LRRC8C: variants seen among roughly 807,000 people sequenced by gnomAD.
The protein encoded by LRRC8C is leucine rich repeat containing 8 VRAC subunit C.
Under a neutral mutation model 55.3 loss-of-function variants are expected in LRRC8C, and 20 were observed. The observed-to-expected ratio is 0.36, with a 90% CI of 0.25 to 0.53. The LOEUF is 0.53. LRRC8C is among the 20% of genes least tolerant of loss of function. LRRC8C has a pLI of 0.92. For synonymous variants in LRRC8C, 376 were observed against 360.7 expected, an observed-to-expected ratio of 1.04 and a Z score of -0.48; for missense variants, 659 against 951.4, an observed-to-expected ratio of 0.69 and a Z score of 4.04.
intron 1 of LRRC8C, among the ~76,000 whole-genome samples, chr1:89,638,312 T>G (rs1427711217): frequency 6.6e-6 from 1 of 152,240 alleles, no homozygotes; most frequent in East Asian, 1.9e-4. Context: ...TCAACCTTTT[T>G]TTGATTATTA....
At chr1:89,652,334 G>A (rs1454026334) in intron 1 of LRRC8C, among the ~76,000 whole-genome samples, 1 of 152,218 alleles carries the variant, frequency 6.6e-6, no homozygotes, top group Non-Finnish European at 1.5e-5. Flanking sequence ...CCAGGGGTAT[G>A]AAAAGGTCTC....
intron 2 of LRRC8C, among the ~76,000 whole-genome samples, chr1:89,706,008 A>G (rs547112585): frequency 8.5e-5 from 13 of 152,182 alleles, no homozygotes; most frequent in Middle Eastern, 3.4e-3. Flanking sequence ...TAAAAATACT[A>G]CTAGGGTTGT....
intron 1 of LRRC8C, among the ~76,000 whole-genome samples, chr1:89,684,496 G>C (rs547616673): frequency 2.0e-5 from 3 of 152,180 alleles, no homozygotes; most frequent in Middle Eastern, 3.2e-3. Context: ...AGGCAGTATG[G>C]CAAGTAATGG....
rs765524454 is a variant in LRRC8C, at chr1:89,714,339, A to G, written c.1769A>G (p.Asn590Ser). The change falls in exon 3 of 3, where the codon AAT becomes AGT. Residue 590 changes from asparagine (N) to serine (S), a missense_variant. This residue lies in a region of LRRC8C where 344 missense variants were observed against 464.6 expected (regional missense o/e 0.74). Coordinates refer to ENST00000370454, the MANE Select transcript of LRRC8C (RefSeq NM_032270.5). The surrounding 1 kb of genome is among the most constrained non-coding windows in gnomAD (Gnocchi z 4.6). ...VMLNNLKKMT[N>S]LTELELVHCD... ...CTCAACAACTTAAAGAAGATGACCA[A>G]TCTGACAGAGCTGGAGCTGGTCCAC... The G allele has an allele frequency of 2.5e-6, 4 of 1,614,122 alleles. No homozygotes were observed. The Admixed American group carries it at 5.0e-5, about 20-fold the overall frequency.
Position 89,659,062 on chromosome 1 carries a change from TGTGTGTGTGTGTGTGTG to T in LRRC8C, c.-5+25741_-5+25757del, listed in dbSNP as rs1657039656. On this transcript the variant is annotated intron_variant, in intron 1 of 2. Transcript: ENST00000370454. The stretch of plus-strand genomic sequence containing the variant: ...GTCTTCTCCAGGTTTTTTTTTTTTT[TGTGTGTGTGTGTGTGTG>T]TGTGTGTGTGTGTGTGTGTGTGTGT... Among the ~76,000 whole-genome samples, 13 of 66,924 alleles carry T rather than the reference TGTGTGTGTGTGTGTGTG, an allele frequency of 1.9e-4. No individual in the cohort carries two copies. In the East Asian group the frequency reaches 3.6e-3, roughly 19 times the overall value. 43.9% of individuals were successfully genotyped at this position (66,924 alleles called of 152,430 possible). A position where few individuals can be genotyped will look rare whatever the true frequency, so the allele number is the denominator to read the frequency against.
chr1:89,669,520 G>C (rs1657361177), intron 1 of LRRC8C, among the ~76,000 whole-genome samples: 1 of 152,082 alleles, frequency 6.6e-6, no homozygotes, highest in African/African-American at 2.4e-5. Context: ...GCTAATATTA[G>C]TAGCTGTCAT....
At chr1:89,636,497 A>G (rs1002734938) in intron 1 of LRRC8C, among the ~76,000 whole-genome samples, 1 of 152,106 alleles carries the variant, frequency 6.6e-6, no homozygotes, top group African/African-American at 2.4e-5. Flanking sequence ...TTTACTAACA[A>G]TATGTTGATG....
chr1:89,693,656 T>TC (rs1488682388), intron 2 of LRRC8C, among the ~76,000 whole-genome samples: 2 of 124,790 alleles, frequency 1.6e-5, no homozygotes, highest in East Asian at 4.4e-4. Flanking sequence ...CTTTTTTTTT[T>TC]TTTTTTTTTT....
rs768988693 is a variant in LRRC8C at position 89,686,539 on chromosome 1, A to G, written c.66A>G (p.Pro22=). ...AGCCTGCCTTCCGAGTGCTGAAGCC[A>G]TGGTGGGATGTGTTTACCGATTACC... is the stretch of plus-strand genomic sequence containing the variant. ...EQQPAFRVLK[P]WWDVFTDYLS... Residue 22 remains proline, a synonymous_variant, in exon 2 of 3, where the codon CCA becomes CCG. Transcript: ENST00000370454. 3.1e-6 allele frequency: 5 copies of G among 1,614,164 alleles called. No homozygotes were observed. The highest frequency in any genetic ancestry group is 1.7e-5 in the Admixed American group (1 of 60,026).
At chr1:89,698,343 T>C (rs1262210682) in intron 2 of LRRC8C, among the ~76,000 whole-genome samples, 8 of 152,192 alleles carry the variant, frequency 5.3e-5, no homozygotes, top group Non-Finnish European at 1.5e-5. Flanking sequence ...ACAGTGTTTG[T>C]TTTATTTATT....
At chr1:89,622,585 G>A in the LRRC8C span, among the ~76,000 whole-genome samples, 4 of 151,966 alleles carry the variant, frequency 2.6e-5, no homozygotes, top group East Asian at 3.9e-4. Context: ...CGCCCGCCTC[G>A]GCCTCCCAAA....
chr1:89,663,677 G>C (rs764801231), intron 1 of LRRC8C, among the ~76,000 whole-genome samples: 1 of 151,994 alleles, frequency 6.6e-6, no homozygotes, highest in Non-Finnish European at 1.5e-5. Flanking sequence ...GGTGTTTCCA[G>C]TTCCAGATCC....
chr1:89,680,710 A>C (rs906916054), intron 1 of LRRC8C, among the ~76,000 whole-genome samples: 2 of 151,834 alleles, frequency 1.3e-5, no homozygotes, highest in Admixed American at 1.3e-4. Context: ...ATAGGTACAC[A>C]CCACCACATC....
rs1364414026 is a variant in LRRC8C at position 89,709,742 on chromosome 1, TTTTTTTTTGTTTG to T, written c.139-2958_139-2946del. On this transcript the variant is annotated intron_variant, in intron 2 of 2. Coordinates refer to ENST00000370454, the MANE Select transcript of LRRC8C (RefSeq NM_032270.5). ...GTTTTGTTTTGTTTTTTGTGTGTGG[TTTTTTTTTGTTTG>T]TTTTTTTTTTGTTTGAGACGGAGTC... is the stretch of plus-strand genomic sequence containing the variant. Among the ~76,000 whole-genome samples, 271 of 81,266 alleles carry T rather than the reference TTTTTTTTTGTTTG, an allele frequency of 3.3e-3. 3 individuals are homozygous for T. The highest frequency in any genetic ancestry group is 0.012 in the African/African-American group (252 of 21,216). 53.3% of individuals were successfully genotyped at this position (81,266 alleles called of 152,430 possible).
rs201804298 is a variant in LRRC8C at position 89,712,746 on chromosome 1, T to G, written c.176T>G (p.Val59Gly). The part of the protein sequence containing the change: ...QDKIICLPKR[V>G]QPAQNHSSLS... ...AAGATAATCTGCCTTCCGAAAAGAG[T>G]GCAGCCTGCTCAGAACCACTCTTCC... The change falls in exon 3 of 3, where the codon GTG (valine) becomes GGG (glycine). Residue 59 changes from valine to glycine, a missense_variant. Around this residue, in one of 5 missense-constraint regions of LRRC8C, gnomAD observed 82 missense variants for 71.4 expected, o/e 1.15. Coordinates refer to ENST00000370454, the MANE Select transcript of LRRC8C (RefSeq NM_032270.5). 6.2e-7 allele frequency: 1 copy of G among 1,613,982 alleles called. No individual in the cohort carries two copies. The highest frequency in any genetic ancestry group is 1.7e-5 in the Admixed American group (1 of 59,978).
At chr1:89,654,715 A>G (rs1656892150) in intron 1 of LRRC8C, among the ~76,000 whole-genome samples, 1 of 152,148 alleles carries the variant, frequency 6.6e-6, no homozygotes, top group Non-Finnish European at 1.5e-5. Flanking sequence ...ATTGTTGGTG[A>G]AAAGTGTAAT....
chr1:89,645,665 A>T (rs1176799088), intron 1 of LRRC8C, among the ~76,000 whole-genome samples: 1 of 152,146 alleles, frequency 6.6e-6, no homozygotes, highest in African/African-American at 2.4e-5. Context: ...AACAATATAG[A>T]TGATGAGTGA....
At chr1:89,701,019 T>C (rs1009705225) in intron 2 of LRRC8C, among the ~76,000 whole-genome samples, 1 of 152,204 alleles carries the variant, frequency 6.6e-6, no homozygotes, top group Non-Finnish European at 1.5e-5. Flanking sequence ...TGGTAGCTCA[T>C]GCCTGTAATC....
intron 2 of LRRC8C, among the ~76,000 whole-genome samples, chr1:89,704,818 A>G (rs112786406): frequency 0.05 from 7,670 of 152,170 alleles, 683 homozygotes; most frequent in African/African-American, 0.18. Flanking sequence ...CTTTTATGCT[A>G]TTGGTGGGAC....
Sources: gnomAD v4.1 joint callset for allele counts (sites outside exome capture counted in the v4.1 genomes callset) on GRCh38, gnomAD v4.1.1 for gene constraint, gnomAD v4.1.1 regional missense constraint, Gnocchi (gnomAD v3.1) non-coding constraint, MANE v1.5 for transcripts, NCBI Gene and HGNC (gene_info 2026-07-23, HGNC 2026-07-21) for gene names.